PLXNA4: variants seen among roughly 807,000 people sequenced by gnomAD.
The protein encoded by PLXNA4 is plexin-A4.
Under a neutral mutation model 191.8 loss-of-function variants are expected in PLXNA4, and 44 were observed. The ratio of observed to expected loss-of-function variants is 0.23; its 90% CI spans 0.18 to 0.29. The LOEUF (loss-of-function observed/expected upper bound fraction) is 0.29, where lower values mean the gene tolerates loss of function less well. Ranked by LOEUF, PLXNA4 falls within the 10% of genes least tolerant of loss-of-function variation. The pLI, the probability that PLXNA4 is intolerant of heterozygous loss-of-function variation, is 1.00. For missense variants in PLXNA4, 1,800 were observed against 2,488.8 expected (o/e 0.72, Z 5.89); for synonymous variants, 1,082 against 1,009.5 (o/e 1.07, Z -1.36).
chr7:132,609,455 G>A (rs1395609598), intron 2 of PLXNA4, among the ~76,000 whole-genome samples: 1 of 152,118 alleles, frequency 6.6e-6, no homozygotes, highest in African/African-American at 2.4e-5. Context: ...TGGAGTGATG[G>A]GGAATTTGCC....
chr7:132,287,571 C>T (rs928228430), intron 4 of PLXNA4, among the ~76,000 whole-genome samples: 2 of 152,178 alleles, frequency 1.3e-5, no homozygotes, highest in South Asian at 4.1e-4. Flanking sequence ...ATGACCCCCC[C>T]CGGAGCCTCC....
chr7:132,472,239 G>A (rs952001216), intron 3 of PLXNA4, among the ~76,000 whole-genome samples: 2 of 152,106 alleles, frequency 1.3e-5, no homozygotes, highest in African/African-American at 4.8e-5. Flanking sequence ...TTTTCTTGGG[G>A]CCTAGCAAGG....
At chr7:132,282,789 T>C (rs2116406570) in intron 4 of PLXNA4, among the ~76,000 whole-genome samples, 1 of 152,226 alleles carries the variant, frequency 6.6e-6, no homozygotes, top group Middle Eastern at 3.4e-3. Context: ...GTTTGGTCTC[T>C]GGTATTCTGG....
rs146490257 is a variant in PLXNA4, at chr7:132,246,567, T to G, written c.1504-5401A>C. 2.5e-3 allele frequency among the ~76,000 whole-genome samples: 375 copies of G among 152,302 alleles called. 3 individuals carry two copies. Among genetic ancestry groups the G allele is most frequent in the African/African-American group, 8.8e-3 (367 of 41,568 alleles). ...TGCTGTTGCTCAAGCTCTCCTTTGG[T>G]ATTTTTCATTCACAGTTATGGCCAG... On this transcript the variant is annotated intron_variant, in intron 4 of 31. Coordinates refer to ENST00000321063, the MANE Select transcript of PLXNA4 (RefSeq NM_020911.2).
intron 3 of PLXNA4, among the ~76,000 whole-genome samples, chr7:132,392,095 T>C (rs1793518835): frequency 6.6e-6 from 1 of 151,044 alleles, no homozygotes; most frequent in Non-Finnish European, 1.5e-5. Flanking sequence ...ACCATTGCAC[T>C]CCAGCCTGGG....
chr7:132,182,010 C>A, intron 17 of PLXNA4, 87 bp downstream of exon 17: 1 of 1,595,848 alleles, frequency 6.3e-7, no homozygotes, highest in Non-Finnish European at 8.5e-7. Context: ...CAGGGAGTTA[C>A]CTCAGTACTT....
intron 3 of PLXNA4, among the ~76,000 whole-genome samples, chr7:132,345,192 CTGG>C (rs1453424096): frequency 2.4e-4 from 37 of 152,286 alleles, no homozygotes; most frequent in Admixed American, 9.1e-4. Context: ...CACATTACGG[CTGG>C]TTACTTTGGC....
At chr7:132,410,200 C>T (rs1357961115) in intron 3 of PLXNA4, among the ~76,000 whole-genome samples, 1 of 152,054 alleles carries the variant, frequency 6.6e-6, no homozygotes, top group Non-Finnish European at 1.5e-5. Flanking sequence ...CCCCGTGCCC[C>T]CCTCCCCCAG....
At chr7:132,575,337 T>C (rs1470117806) in intron 1 of PLXNA4, among the ~76,000 whole-genome samples, 1 of 152,054 alleles carries the variant, frequency 6.6e-6, no homozygotes, top group Non-Finnish European at 1.5e-5. Context: ...TGGGGAGTGA[T>C]TCTACAATCG....
rs1169640917 is a variant in PLXNA4 at position 132,202,803 on chromosome 7, C to G, written c.2429G>C (p.Ser810Thr). 4 of 1,605,814 alleles carry G rather than the reference C, an allele frequency of 2.5e-6. No individual in the cohort carries two copies. Among genetic ancestry groups the G allele is most frequent in the Non-Finnish European group, 3.4e-6 (4 of 1,176,008 alleles). The change falls in exon 12 of 32, where the codon AGC becomes ACC. Residue 810 changes from serine to threonine, a missense_variant. Physicochemically the swap from Ser to Thr is moderately conservative, Grantham distance 58. Around this residue, in one of 6 missense-constraint regions of PLXNA4, gnomAD observed 1,397 missense variants for 1,880.4 expected, o/e 0.74. Transcript: ENST00000321063. ...HLYKCGAMRE[S>T]CGLCLKADPD... The stretch of plus-strand genomic sequence containing the variant: ...GTCAGCCTTGAGGCACAGCCCGCAG[C>G]TCTCACGCATGGCTCCACACTTGTA...
In PLXNA4 at chr7:132,156,485, C is replaced by T. The variant is rs185130358; in HGVS notation, c.4660+2988G>A. 3.5e-4 allele frequency among the ~76,000 whole-genome samples: 54 copies of T among 152,286 alleles called. No individual in the cohort carries two copies. In the East Asian group the frequency reaches 7.2e-3, roughly 20 times the overall value. ...TGGTGCAAAATGTCTTTGCTTCTTG[C>T]GGAGCTGGCCTGGGATGGGTGCTCC... On this transcript the variant is annotated intron_variant, in intron 25 of 31. Coordinates refer to ENST00000321063, the MANE Select transcript of PLXNA4 (RefSeq NM_020911.2).
chr7:132,393,025 C>T (rs556146976), intron 3 of PLXNA4, among the ~76,000 whole-genome samples: 2 of 152,240 alleles, frequency 1.3e-5, no homozygotes, highest in African/African-American at 4.8e-5. Context: ...CACCCTACCC[C>T]ATGCCCCAGC....
chr7:132,145,570 G>A, intron 28 of PLXNA4: 2 of 419,814 alleles, frequency 4.8e-6, no homozygotes, highest in Non-Finnish European at 8.7e-6. Flanking sequence ...CCCTCTGGCG[G>A]TGTTATTTTA....
At chr7:132,136,389 T>C (rs1366940185) in intron 30 of PLXNA4, among the ~76,000 whole-genome samples, 1 of 152,202 alleles carries the variant, frequency 6.6e-6, no homozygotes, top group South Asian at 2.1e-4. Context: ...TGCCTTCAGG[T>C]GAGCCCATCT....
At chr7:132,132,378 A>T (rs538576537) in intron 31 of PLXNA4, among the ~76,000 whole-genome samples, 22 of 126,648 alleles carry the variant, frequency 1.7e-4, no homozygotes, top group Non-Finnish European at 2.1e-4. Context: ...AACACATTCT[A>T]TTTGTTCTGT....
intron 3 of PLXNA4, among the ~76,000 whole-genome samples, chr7:132,359,042 A>T (rs929704153): frequency 1.3e-5 from 2 of 152,190 alleles, no homozygotes; most frequent in Non-Finnish European, 2.9e-5. Context: ...TGGCTTGACT[A>T]GTGAGGTGGC....
intron 1 of PLXNA4, among the ~76,000 whole-genome samples, chr7:132,570,366 C>A (rs912758719): frequency 6.6e-6 from 1 of 152,184 alleles, no homozygotes; most frequent in South Asian, 2.1e-4. Flanking sequence ...TCTCCTCTCT[C>A]ACTCTCTAAC....
intron 3 of PLXNA4, among the ~76,000 whole-genome samples, chr7:132,366,627 A>G (rs916296465): frequency 3.9e-5 from 6 of 152,258 alleles, no homozygotes; most frequent in African/African-American, 1.4e-4. Context: ...ATTTGGGAAG[A>G]AGAGGAATGA....
chr7:132,431,247 C>T (rs1448355664), intron 3 of PLXNA4, among the ~76,000 whole-genome samples: 2 of 152,164 alleles, frequency 1.3e-5, no homozygotes, highest in East Asian at 3.9e-4. Flanking sequence ...GAGTCCCAGT[C>T]AGGCCAGAGA....
Sources: allele counts gnomAD v4.1 joint callset (sites outside exome capture counted in the v4.1 genomes callset), GRCh38; gene constraint gnomAD v4.1.1; regional missense constraint gnomAD v4.1.1; transcripts MANE v1.5; gene names NCBI Gene and HGNC (gene_info 2026-07-23, HGNC 2026-07-21).